RBFOX1: variants seen among roughly 807,000 people sequenced by gnomAD.
RBFOX1 encodes RNA binding fox-1 homolog 1, also known as RNA binding protein fox-1 homolog 1.
Under a neutral mutation model 57.7 loss-of-function variants are expected in RBFOX1, and 8 were observed. The observed-to-expected ratio is 0.14, with a 90% CI of 0.08 to 0.25. The LOEUF is 0.25. RBFOX1 is among the 10% of genes least tolerant of loss of function. RBFOX1 has a pLI of 1.00. For missense variants in RBFOX1, 611 were observed against 548.5 expected (o/e 1.11, Z -1.14); for synonymous variants, 326 against 222.4 (o/e 1.47, Z -4.15).
chr16:5,369,208 G>T (rs1169751063), intron 1 of RBFOX1, among the ~76,000 whole-genome samples: 1 of 152,162 alleles, frequency 6.6e-6, no homozygotes, highest in Non-Finnish European at 1.5e-5. Context: ...TACCATGTTG[G>T]CCAGGATGGT....
chr16:7,471,461 G>C (rs1235082351), intron 4 of RBFOX1, among the ~76,000 whole-genome samples: 1 of 152,028 alleles, frequency 6.6e-6, no homozygotes, highest in African/African-American at 2.4e-5. Flanking sequence ...CATTTTTATT[G>C]CTGTCAGTCA....
intron 4 of RBFOX1, among the ~76,000 whole-genome samples, chr16:7,229,495 C>T (rs565529412): frequency 8.8e-5 from 12 of 135,634 alleles, no homozygotes; most frequent in Non-Finnish European, 1.8e-4. Context: ...TATGGGAAGG[C>T]AGGAAGGAAG....
chr16:7,599,482 T>C (rs1214667755), intron 9 of RBFOX1, among the ~76,000 whole-genome samples: 1 of 152,140 alleles, frequency 6.6e-6, no homozygotes, highest in East Asian at 1.9e-4. Context: ...TCAAAGCCCA[T>C]TTATAAATAA....
intron 11 of RBFOX1, among the ~76,000 whole-genome samples, chr16:7,649,245 G>T (rs1163796187): frequency 6.6e-6 from 1 of 152,154 alleles, no homozygotes; most frequent in Admixed American, 6.5e-5. Context: ...GGGGAAATGT[G>T]CTCTGCTACA....
intron 3 of RBFOX1, among the ~76,000 whole-genome samples, chr16:6,849,627 C>T (rs546084870): frequency 6.6e-6 from 1 of 152,236 alleles, no homozygotes; most frequent in Admixed American, 6.5e-5. Context: ...TGAGATTGTA[C>T]CACTGTACTG....
intron 2 of RBFOX1, among the ~76,000 whole-genome samples, chr16:6,357,433 G>A (rs945474011): frequency 6.6e-6 from 1 of 151,870 alleles, no homozygotes; most frequent in Non-Finnish European, 1.5e-5. Context: ...CAGCTTATTG[G>A]TGGGGGTAAA....
At chr16:7,591,496 G>T (rs1227466949) in intron 7 of RBFOX1, among the ~76,000 whole-genome samples, 3 of 152,190 alleles carry the variant, frequency 2.0e-5, no homozygotes, top group Non-Finnish European at 4.4e-5. Flanking sequence ...GATACAAGAG[G>T]ATCAGAATGT....
intron 5 of RBFOX1, among the ~76,000 whole-genome samples, chr16:7,558,064 C>G (rs2089247616): frequency 6.6e-6 from 1 of 151,966 alleles, no homozygotes; most frequent in South Asian, 2.1e-4. Flanking sequence ...TTTTAATATA[C>G]TTTATTGAGG....
intron 1 of RBFOX1, among the ~76,000 whole-genome samples, chr16:6,295,581 A>G (rs1422305318): frequency 6.6e-6 from 1 of 152,222 alleles, no homozygotes; most frequent in Admixed American, 6.5e-5. Context: ...ATTTGAAGCA[A>G]CCAGCAGGTA....
rs899376059 is a variant in RBFOX1 at position 5,908,244 on chromosome 16, A to G, written c.351+40909A>G. 2.7e-5 allele frequency among the ~76,000 whole-genome samples: 3 copies of G among 109,888 alleles called. 1 individual carries two copies. Among genetic ancestry groups the G allele is most frequent in the Non-Finnish European group, 6.1e-5 (3 of 49,180 alleles). The allele number at this position is 109,888 out of a possible 152,430, so 72.1% of individuals were successfully genotyped here. ...TATATACACACATATATATACATAT[A>G]CATACACACACATATATACACATAT... On this transcript the variant is annotated intron_variant, in intron 4 of 19. Transcript: ENST00000641259.
At chr16:7,492,144 G>A (rs970182103) in intron 4 of RBFOX1, among the ~76,000 whole-genome samples, 1 of 152,178 alleles carries the variant, frequency 6.6e-6, no homozygotes, top group Non-Finnish European at 1.5e-5. Context: ...TACTTAGCAT[G>A]ATTTTGTCTG....
intron 1 of RBFOX1, among the ~76,000 whole-genome samples, chr16:6,024,051 A>C (rs1422798111): frequency 1.3e-5 from 2 of 152,182 alleles, no homozygotes; most frequent in Non-Finnish European, 2.9e-5. Context: ...TACACAGGCA[A>C]CTGTCCTCAT....
At chr16:5,822,548 G>C (rs2055893298) in intron 3 of RBFOX1, among the ~76,000 whole-genome samples, 2 of 152,298 alleles carry the variant, frequency 1.3e-5, no homozygotes, top group Non-Finnish European at 2.9e-5. Context: ...AGATCCTATA[G>C]CTACAAATAG....
chr16:6,771,683 T>A (rs553992846), intron 3 of RBFOX1, among the ~76,000 whole-genome samples: 1 of 152,322 alleles, frequency 6.6e-6, no homozygotes, highest in East Asian at 1.9e-4. Flanking sequence ...TTGATTGTCA[T>A]AATTAGTGGA....
At chr16:6,927,532 CTTTGT>C (rs772558730) in intron 3 of RBFOX1, among the ~76,000 whole-genome samples, 44 of 145,668 alleles carry the variant, frequency 3.0e-4, no homozygotes, top group East Asian at 2.1e-3. Context: ...GCAGATATTT[CTTTGT>C]TTTGTTTTGT....
chr16:7,179,661 G>T (rs758001723), intron 4 of RBFOX1, among the ~76,000 whole-genome samples: 1 of 152,012 alleles, frequency 6.6e-6, no homozygotes, highest in South Asian at 2.1e-4. Flanking sequence ...GCAACACAAT[G>T]AATTTATTTG....
chr16:5,768,868 T>G (rs2053880578), intron 3 of RBFOX1, among the ~76,000 whole-genome samples: 1 of 152,036 alleles, frequency 6.6e-6, no homozygotes, highest in South Asian at 2.1e-4. Context: ...CATCACTGTT[T>G]TTTGTTTGTT....
intron 2 of RBFOX1, among the ~76,000 whole-genome samples, chr16:6,487,612 G>T (rs909014038): frequency 1.5e-5 from 2 of 137,664 alleles, no homozygotes; most frequent in Admixed American, 1.4e-4. Context: ...GACTTTTCAA[G>T]AAAAGATACA....
intron 4 of RBFOX1, among the ~76,000 whole-genome samples, chr16:7,454,949 C>T (rs1412705982): frequency 6.6e-6 from 1 of 152,164 alleles, no homozygotes; most frequent in Non-Finnish European, 1.5e-5. Flanking sequence ...TTTTCCCAGC[C>T]CTGGGCCATA....
Sources: gnomAD v4.1 joint callset for allele counts (sites outside exome capture counted in the v4.1 genomes callset) on GRCh38, gnomAD v4.1.1 for gene constraint, MANE v1.5 for transcripts, NCBI Gene and HGNC (gene_info 2026-07-23, HGNC 2026-07-21) for gene names.